AKR1C1: variants seen among roughly 807,000 people sequenced by gnomAD.
The protein encoded by AKR1C1 is 20 alpha-hydroxysteroid dehydrogenase.
In AKR1C1, 32 loss-of-function variants were observed where a neutral mutation model predicts 40.6. The ratio of observed to expected loss-of-function variants is 0.79; its 90% CI spans 0.60 to 1.06. The LOEUF (loss-of-function observed/expected upper bound fraction) is 1.06. Among genes scored for constraint, AKR1C1 ranks in the 50% least tolerant of loss-of-function variants. The pLI, the probability that AKR1C1 is intolerant of heterozygous loss-of-function variation, is 0.00. For synonymous variants in AKR1C1, 105 were observed against 134.2 expected, an observed-to-expected ratio of 0.78 and a Z score of 1.50; for missense variants, 320 against 363.5, an observed-to-expected ratio of 0.88 and a Z score of 0.97.
In AKR1C1 at chr10:4,967,001, TTA is replaced by T; in HGVS notation, c.329_330del (p.Tyr110CysfsTer2). The T allele has an allele frequency of 6.2e-7, 1 of 1,613,854 alleles. No homozygotes were observed. ...ERSLKNLQLD[Y>X]VDLYLIHFPV... is the part of the protein sequence containing the mutation. ...GGTCACTGAAAAATCTTCAATTGGA[TTA>T]TGTTGACCTCTACCTTATTCATTTT... is the stretch of plus-strand genomic sequence containing the variant. On this transcript the variant is annotated frameshift_variant, in exon 3 of 9. Transcript: ENST00000380872. LOFTEE classifies it high-confidence loss of function.
At chr10:4,974,679 C>G (rs1161012992) in intron 7 of AKR1C1, among the ~76,000 whole-genome samples, 1 of 151,974 alleles carries the variant, frequency 6.6e-6, no homozygotes. Context: ...TTGAAAAGTT[C>G]ATATTTGCTC....
chr10:4,977,879 A>G lies in AKR1C1; in HGVS notation c.*137A>G. On this transcript the variant is annotated 3_prime_UTR_variant, in exon 9 of 9. Coordinates refer to ENST00000380872, the MANE Select transcript of AKR1C1 (RefSeq NM_001353.6). ...CTTGGTGATTTCAGCAAGCTACAGC[A>G]AAGCCCATTGGCCAGAAAGGAAAGA... The G allele has an allele frequency of 2.3e-6, 3 of 1,313,908 alleles. No homozygotes were observed. Among genetic ancestry groups the G allele is most frequent in the Non-Finnish European group, 3.2e-6 (3 of 951,570 alleles). 81.4% of individuals were successfully genotyped at this position (1,313,908 alleles called of 1,614,324 possible).
At position 4,979,869 on chromosome 10, in the gene AKR1C1, T is replaced by C. The variant is rs1473827693; in HGVS notation, c.*2127T>C. On this transcript the variant is annotated 3_prime_UTR_variant, in exon 9 of 9. Transcript: ENST00000380872. ...GAAATGCTGAAGGGAGGAATTCAGGTTGAATGAAAGGAAATAGTAACTTAC... is the reference window on the plus strand; with the variant it reads ...GAAATGCTGAAGGGAGGAATTCAGGCTGAATGAAAGGAAATAGTAACTTAC... 26 of 151,124 alleles carry C rather than the reference T, an allele frequency of 1.7e-4. No homozygotes were observed. Among genetic ancestry groups the C allele is most frequent in the African/African-American group, 6.3e-4 (26 of 41,122 alleles). 9.4% of individuals were successfully genotyped at this position (151,124 alleles called of 1,614,324 possible). A position where few individuals can be genotyped will look rare whatever the true frequency, so the allele number is the denominator to read the frequency against.
intron 1 of AKR1C1, among the ~76,000 whole-genome samples, chr10:4,964,674 A>C (rs1429760882): frequency 6.6e-6 from 1 of 152,206 alleles, no homozygotes; most frequent in Admixed American, 6.5e-5. Context: ...CACTGCAATC[A>C]TATGTTTCCT....
chr10:4,966,591 T>G (rs1674353153), intron 2 of AKR1C1, among the ~76,000 whole-genome samples: 1 of 152,228 alleles, frequency 6.6e-6, no homozygotes, highest in Non-Finnish European at 1.5e-5. Flanking sequence ...ATCTTGCCCA[T>G]TGGGCTGAAT....
At chr10:4,975,065 AATAT>A (rs1377719243) in intron 7 of AKR1C1, among the ~76,000 whole-genome samples, 1 of 152,080 alleles carries the variant, frequency 6.6e-6, no homozygotes, top group Non-Finnish European at 1.5e-5. Context: ...CCTTTTAATA[AATAT>A]ATAATTAATT....
At chr10:4,970,388 G>A (rs1302438262) in intron 5 of AKR1C1, among the ~76,000 whole-genome samples, 1 of 152,030 alleles carries the variant, frequency 6.6e-6, no homozygotes, top group East Asian at 1.9e-4. Context: ...TTTCCCAGTT[G>A]TTGAAGGTTT....
intron 4 of AKR1C1, 85 bp from the exon 5 acceptor site, chr10:4,968,737 T>C: frequency 1.3e-6 from 2 of 1,591,104 alleles, no homozygotes; most frequent in South Asian, 1.1e-5. Context: ...GCTAGTTTTA[T>C]TGTCATATCT....
At chr10:4,963,665 C>A in intron 1 of AKR1C1, 137 bp downstream of exon 1, 1 of 830,466 alleles carries the variant, frequency 1.2e-6, no homozygotes, top group Non-Finnish European at 2.0e-6. Flanking sequence ...GCAATGCCAT[C>A]TTGTCACAGG....
chr10:4,968,789 G>C (rs1298558994), intron 4 of AKR1C1, 33 bp from the exon 5 acceptor site: 2 of 1,612,916 alleles, frequency 1.2e-6, no homozygotes, highest in Admixed American at 3.3e-5. Context: ...CATTTATCTT[G>C]ATCTTCCACA....
chr10:4,983,005 C>T lies in AKR1C1; in HGVS notation c.*5263C>T. On this transcript the variant is annotated 3_prime_UTR_variant, in exon 9 of 9. Coordinates refer to ENST00000380872, the MANE Select transcript of AKR1C1 (RefSeq NM_001353.6). ...AGGGAGTCTCAGAGTCTACGTCACTCCCCTGCCACCTCAATCAGAGCTGGT... is the reference window on the plus strand; with the variant it reads ...AGGGAGTCTCAGAGTCTACGTCACTTCCCTGCCACCTCAATCAGAGCTGGT... 4.6e-6 allele frequency: 2 copies of T among 433,368 alleles called. No individual in the cohort carries two copies. Among genetic ancestry groups the T allele is most frequent in the Non-Finnish European group, 9.3e-6 (2 of 215,760 alleles). 26.8% of individuals were successfully genotyped at this position (433,368 alleles called of 1,614,324 possible).
chr10:4,977,767 G>A lies in AKR1C1; in HGVS notation c.*25G>A, dbSNP rs8483. The stretch of plus-strand genomic sequence containing the variant: ...ACATGGAGGGCATTGCATGAGGTCT[G>A]CCAGAAGGCCCTGCGTGTGGATGGT... On this transcript the variant is annotated 3_prime_UTR_variant, in exon 9 of 9. Transcript: ENST00000380872. 639,624 of 1,590,706 alleles carry A rather than the reference G, an allele frequency of 0.4. 132,294 individuals carry two copies. Among genetic ancestry groups the A allele is most frequent in the African/African-American group, 0.61 (44,883 of 73,992 alleles).
intron 7 of AKR1C1, among the ~76,000 whole-genome samples, chr10:4,974,902 G>C (rs1470663862): frequency 6.6e-6 from 1 of 151,798 alleles, no homozygotes; most frequent in Non-Finnish European, 1.5e-5. Flanking sequence ...TTAAAACTTT[G>C]AATCATCTTA....
chr10:4,966,186 T>C, intron 2 of AKR1C1, 105 bp downstream of exon 2: 1 of 1,502,540 alleles, frequency 6.7e-7, no homozygotes, highest in South Asian at 1.4e-5. Flanking sequence ...TGTGCTTATT[T>C]ATTACGATTT....
At chr10:4,966,205 T>C in intron 2 of AKR1C1, 124 bp downstream of exon 2, 1 of 1,478,852 alleles carries the variant, frequency 6.8e-7, no homozygotes, top group Non-Finnish European at 9.0e-7. Flanking sequence ...TTATTCACAC[T>C]TACTCATGTA....
At position 4,966,618 on chromosome 10, in the gene AKR1C1, C is replaced by G. The variant is rs1836337848; in HGVS notation, c.253-309C>G. Among the ~76,000 whole-genome samples, 3 of 152,196 alleles carry G rather than the reference C, an allele frequency of 2.0e-5. No individual in the cohort carries two copies. In the South Asian group the frequency reaches 6.2e-4, roughly 32 times the overall value. On this transcript the variant is annotated intron_variant, in intron 2 of 8. Transcript: ENST00000380872. ...GGGCTGAATAGATGAAATAATTACA[C>G]TACTAACATGAGTTGTAAAACTTAC...
chr10:4,970,689 T>C (rs1331633006), intron 5 of AKR1C1, among the ~76,000 whole-genome samples: 4 of 151,916 alleles, frequency 2.6e-5, no homozygotes, highest in Non-Finnish European at 5.9e-5. Context: ...AAATCATCAT[T>C]GTCAGTAAAC....
chr10:4,965,456 A>T, intron 1 of AKR1C1: 1 of 152,610 alleles, frequency 6.6e-6, no homozygotes, highest in East Asian at 1.9e-4. Context: ...TATTTTTAGT[A>T]GAGATGGAGT....
At position 4,978,402 on chromosome 10, in the gene AKR1C1, C is replaced by T. The variant is rs1836560892; in HGVS notation, c.*660C>T. On this transcript the variant is annotated 3_prime_UTR_variant, in exon 9 of 9. Transcript: ENST00000380872. ...TACATCTCTGCTTGGAAAAACATATCAACACCCTTTTTTTTGAACATTATA... is the reference window on the plus strand; with the variant it reads ...TACATCTCTGCTTGGAAAAACATATTAACACCCTTTTTTTTGAACATTATA... 6.6e-6 allele frequency: 1 copy of T among 150,902 alleles called. No homozygotes were observed. The highest frequency in any genetic ancestry group is 2.1e-4 in the South Asian group (1 of 4,756). 9.3% of individuals were successfully genotyped at this position (150,902 alleles called of 1,614,324 possible).
Sources: gnomAD v4.1 joint callset for allele counts (sites outside exome capture counted in the v4.1 genomes callset) on GRCh38, gnomAD v4.1.1 for gene constraint, MANE v1.5 for transcripts, NCBI Gene and HGNC (gene_info 2026-07-23, HGNC 2026-07-21) for gene names.